CRISP1: variants seen among roughly 807,000 people sequenced by gnomAD.
The protein encoded by CRISP1 is cysteine-rich secretory protein 1.
Under a neutral mutation model 33.1 loss-of-function variants are expected in CRISP1, and 44 were observed. That is an observed-to-expected ratio of 1.33 (90% CI 1.05 to 1.71). The LOEUF is 1.71. Ranked by LOEUF, CRISP1 falls within the 40% of genes most tolerant of loss-of-function variation. The pLI is 0.00. For missense variants in CRISP1, 390 were observed against 301.2 expected (o/e 1.29, Z -2.18); for synonymous variants, 103 against 98.7 (o/e 1.04, Z -0.26).
At position 49,852,437 on chromosome 6, in the gene CRISP1, A is replaced by G. The variant is rs140518686; in HGVS notation, c.67-308T>C. Among the ~76,000 whole-genome samples the G allele has an allele frequency of 2.1e-3, 322 of 152,268 alleles. 3 individuals carry two copies. The highest frequency in any genetic ancestry group is 7.2e-3 in the African/African-American group (298 of 41,562). On this transcript the variant is annotated intron_variant, in intron 2 of 7. Transcript: ENST00000335847. ...CTTTTTATTGGGCAATAAGATCCAC[A>G]AAGGGAGATATCTTAAAATCACACC...
At chr6:49,873,280 A>G (rs1771967362) in intron 1 of CRISP1, among the ~76,000 whole-genome samples, 1 of 152,124 alleles carries the variant, frequency 6.6e-6, no homozygotes, top group Non-Finnish European at 1.5e-5. Context: ...ATTTTTCCAA[A>G]ATATGTGTCT....
chr6:49,843,532 C>T (rs1471979975), intron 5 of CRISP1, among the ~76,000 whole-genome samples: 3 of 152,176 alleles, frequency 2.0e-5, no homozygotes, highest in East Asian at 1.9e-4. Flanking sequence ...AAGAAACTAA[C>T]TATGCTGGCA....
At chr6:49,841,863 G>T (rs546705121) in intron 5 of CRISP1, among the ~76,000 whole-genome samples, 1 of 152,152 alleles carries the variant, frequency 6.6e-6, no homozygotes, top group East Asian at 1.9e-4. Flanking sequence ...ATACAACAAC[G>T]CTGTCCTCTA....
intron 1 of CRISP1, among the ~76,000 whole-genome samples, chr6:49,875,398 A>G (rs919954597): frequency 7.9e-5 from 12 of 151,594 alleles, no homozygotes; most frequent in African/African-American, 2.9e-4. Flanking sequence ...CAAATCAAAA[A>G]GGACACAAAC....
chr6:49,873,854 C>A (rs1369623206), intron 1 of CRISP1, among the ~76,000 whole-genome samples: 1 of 151,962 alleles, frequency 6.6e-6, no homozygotes, highest in Non-Finnish European at 1.5e-5. Flanking sequence ...AGTTTCATTT[C>A]AGTGAATCAG....
chr6:49,874,509 G>A (rs1396591979), intron 1 of CRISP1, among the ~76,000 whole-genome samples: 1 of 151,982 alleles, frequency 6.6e-6, no homozygotes, highest in Non-Finnish European at 1.5e-5. Flanking sequence ...TTTAAGGGTT[G>A]GTTGACTCAG....
chr6:49,862,008 A>G (rs1024119742), intron 1 of CRISP1, among the ~76,000 whole-genome samples: 3 of 152,292 alleles, frequency 2.0e-5, no homozygotes, highest in Middle Eastern at 6.8e-3. Flanking sequence ...AACATTGCCC[A>G]TGTTCAGCAC....
chr6:49,848,140 A>G, intron 4 of CRISP1, 69 bp downstream of exon 4: 1 of 904,700 alleles, frequency 1.1e-6, no homozygotes, highest in Non-Finnish European at 1.7e-6. Context: ...ATCAGGGTAC[A>G]TAACAATCCC....
intron 6 of CRISP1, 52 bp downstream of exon 6, chr6:49,840,846 T>TAG (rs1770961447): frequency 7.9e-6 from 11 of 1,393,412 alleles, no homozygotes; most frequent in Non-Finnish European, 1.1e-5. Flanking sequence ...TTTGAAAAAC[T>TAG]AGATTAGGTT....
chr6:49,860,746 C>G (rs1771624575), intron 1 of CRISP1, among the ~76,000 whole-genome samples: 1 of 151,874 alleles, frequency 6.6e-6, no homozygotes, highest in African/African-American at 2.4e-5. Context: ...CCAAAACTGG[C>G]AGAAGAAATC....
At chr6:49,836,118 C>T (rs1189962103) in intron 7 of CRISP1, among the ~76,000 whole-genome samples, 1 of 152,154 alleles carries the variant, frequency 6.6e-6, no homozygotes, top group African/African-American at 2.4e-5. Flanking sequence ...TCTATCACAA[C>T]TAACCAATGT....
At chr6:49,872,429 C>A (rs1385834571) in intron 1 of CRISP1, among the ~76,000 whole-genome samples, 1 of 152,040 alleles carries the variant, frequency 6.6e-6, no homozygotes, top group Non-Finnish European at 1.5e-5. Flanking sequence ...TCAATTTTGG[C>A]TTTTGTTGCC....
In CRISP1 at chr6:49,852,105, TAA is replaced by T; in HGVS notation, c.89_90del (p.Phe30Ter). The T allele has an allele frequency of 6.2e-7, 1 of 1,612,860 alleles. No homozygotes were observed. Among genetic ancestry groups the T allele is most frequent in the Non-Finnish European group, 8.5e-7 (1 of 1,179,390 alleles). ...SMKKKSARDQFNKLVTDLPNV... is the reference protein window; with the variant it reads ...SMKKKSARDQXNKLVTDLPNV... The stretch of plus-strand genomic sequence containing the variant: ...TTTGGCAAGTCGGTGACGAGCTTAT[TAA>T]ATTGGTCTCTAGCTGATTTCTTCTG... On this transcript the variant is annotated frameshift_variant, in exon 3 of 8. Coordinates refer to ENST00000335847, the MANE Select transcript of CRISP1 (RefSeq NM_001131.3). LOFTEE classifies it high-confidence loss of function.
At chr6:49,841,516 G>T (rs1244362308) in intron 5 of CRISP1, among the ~76,000 whole-genome samples, 1 of 152,068 alleles carries the variant, frequency 6.6e-6, no homozygotes, top group Non-Finnish European at 1.5e-5. Context: ...AGTATACTCA[G>T]GGATGATCAA....
At chr6:49,850,163 G>T (rs1290711279) in intron 3 of CRISP1, among the ~76,000 whole-genome samples, 1 of 151,132 alleles carries the variant, frequency 6.6e-6, no homozygotes, top group Non-Finnish European at 1.5e-5. Context: ...CGAGTTAATG[G>T]GTGCAGCACA....
chr6:49,841,227 C>T lies in CRISP1; in HGVS notation c.436-232G>A, dbSNP rs117506836. Among the ~76,000 whole-genome samples the T allele has an allele frequency of 3.3e-3, 505 of 152,128 alleles. 5 individuals are homozygous for T. Among genetic ancestry groups the T allele is most frequent in the African/African-American group, 0.011 (443 of 41,506 alleles). ...AAACCAGGTGGAGAAAATCAGCTGACGGGGAGGATGACTTGATGATTGACA... is the reference window on the plus strand; with the variant it reads ...AAACCAGGTGGAGAAAATCAGCTGATGGGGAGGATGACTTGATGATTGACA... On this transcript the variant is annotated intron_variant, in intron 5 of 7. Transcript: ENST00000335847.
chr6:49,858,765 C>A (rs1300753243), intron 1 of CRISP1, among the ~76,000 whole-genome samples: 1 of 151,944 alleles, frequency 6.6e-6, no homozygotes, highest in African/African-American at 2.4e-5. Context: ...AATATTAACC[C>A]TGAGGTAACT....
rs1294079049 is a variant in CRISP1 at position 49,836,501 on chromosome 6, A to AT, written c.623-1059_623-1058insA. ...CAGGCGCCCGCCATCACGCCCTGCT[A>AT]ATTTTTTTTTTATTTTTTAGTAGAG... On this transcript the variant is annotated intron_variant, in intron 7 of 7. Coordinates refer to ENST00000335847, the MANE Select transcript of CRISP1 (RefSeq NM_001131.3). 1.7e-3 allele frequency among the ~76,000 whole-genome samples: 262 copies of AT among 151,062 alleles called. 3 individuals are homozygous for AT. Among genetic ancestry groups the AT allele is most frequent in the East Asian group, 6.8e-3 (35 of 5,110 alleles).
In CRISP1 at chr6:49,839,252, A is replaced by T. The variant is rs867728606; in HGVS notation, c.534-727T>A. Among the ~76,000 whole-genome samples, 10 of 149,704 alleles carry T rather than the reference A, an allele frequency of 6.7e-5. 1 individual carries two copies. In the South Asian group the frequency reaches 1.1e-3, roughly 16 times the overall value. On this transcript the variant is annotated intron_variant, in intron 6 of 7. Transcript: ENST00000335847. ...AAGTTTGAGAAAAGCCTGGGCAAAAAAAAAGCATCTTCATATCTACAAAAA... is the reference window on the plus strand; with the variant it reads ...AAGTTTGAGAAAAGCCTGGGCAAAATAAAAGCATCTTCATATCTACAAAAA...
Sources: gnomAD v4.1 joint callset for allele counts (sites outside exome capture counted in the v4.1 genomes callset) on GRCh38, gnomAD v4.1.1 for gene constraint, MANE v1.5 for transcripts, NCBI Gene and HGNC (gene_info 2026-07-23, HGNC 2026-07-21) for gene names.